The following PLCB2 variants were observed in gnomAD, a reference collection of about 807,000 sequenced individuals.
PLCB2 encodes the protein phospholipase C beta 2.
In PLCB2, 115 loss-of-function variants were observed where a neutral mutation model predicts 141.7. The observed-to-expected ratio is 0.81, with a 90% CI of 0.70 to 0.95. The LOEUF (loss-of-function observed/expected upper bound fraction) is 0.95. Ranked by LOEUF, PLCB2 falls within the 40% of genes least tolerant of loss-of-function variation. PLCB2 has a pLI of 0.00. For synonymous variants in PLCB2, 603 were observed against 595.6 expected, an observed-to-expected ratio of 1.01 and a Z score of -0.18; for missense variants, 1,403 against 1,541.1, an observed-to-expected ratio of 0.91 and a Z score of 1.50.
rs200898125 is a variant in PLCB2, at chr15:40,294,272, G to T, written c.2055C>A (p.Ser685=). ...RIDVVVATTL[S]ITVISGQFLS... ...GTGTGCCCCAGGGCCTTGCCGTAATGGAAAGGGTGGTGGCCACCACCACGT... is the reference window on the plus strand; with the variant it reads ...GTGTGCCCCAGGGCCTTGCCGTAATTGAAAGGGTGGTGGCCACCACCACGT... Residue 685 remains serine, a synonymous_variant, in exon 19 of 32, where the codon TCC becomes TCA. Transcript: ENST00000260402. The T allele has an allele frequency of 5.5e-5, 88 of 1,613,790 alleles. No homozygotes were observed. The East Asian group carries it at 1.8e-3, about 33-fold the overall frequency.
chr15:40,300,874 G>T (rs932128784), intron 7 of PLCB2: 1 of 152,280 alleles, frequency 6.6e-6, no homozygotes, highest in African/African-American at 2.4e-5. Context: ...AGTCTAACTG[G>T]ATCTCCCCAA....
chr15:40,290,864 G>A lies in PLCB2; in HGVS notation c.3037-27C>T, dbSNP rs767349942. 8 of 1,586,058 alleles carry A rather than the reference G, an allele frequency of 5.0e-6. No individual in the cohort carries two copies. In the Admixed American group the frequency reaches 8.5e-5, roughly 17 times the overall value. ...TGCAGGGAGAGGAAGTAAGCTTGGC[G>A]AGAAGCCCTTTGTTGTTCAGAGGGA... On this transcript the variant is annotated intron_variant, in intron 27 of 31. Coordinates refer to ENST00000260402, the MANE Select transcript of PLCB2 (RefSeq NM_004573.3).
In PLCB2 at chr15:40,298,260, G is replaced by T. The variant is rs1441422978; in HGVS notation, c.1118C>A (p.Thr373Asn). 1 of 1,588,886 alleles carries T rather than the reference G, an allele frequency of 6.3e-7. No individual in the cohort carries two copies. The highest frequency in any genetic ancestry group is 8.6e-7 in the Non-Finnish European group (1 of 1,166,234). The change falls in exon 11 of 32, where the codon ACC becomes AAC. Residue 373 changes from threonine (T) to asparagine (N), a missense_variant. By Grantham distance (65) the Thr-to-Asn change is moderately conservative (BLOSUM62 0). Transcript: ENST00000260402. Reference sequence around the variant, plus strand: ...GTCTGTGGTCATGGTGAAGCCATGGGTGATAATGGGCTCCTCGTCAGGGGG... The same window carrying T: ...GTCTGTGGTCATGGTGAAGCCATGGTTGATAATGGGCTCCTCGTCAGGGGG... ...GKPPDEEPIITHGFTMTTDIF... is the reference protein window; with the variant it reads ...GKPPDEEPIINHGFTMTTDIF...
chr15:40,297,599 G>C lies in PLCB2; in HGVS notation c.1245C>G (p.Arg415=), dbSNP rs1215753838. The change falls in exon 13 of 32, where the codon CGC becomes CGG. Residue 415 remains arginine (R), a synonymous_variant. Coordinates refer to ENST00000260402, the MANE Select transcript of PLCB2 (RefSeq NM_004573.3). The surrounding 1 kb of genome is among the most constrained non-coding windows in gnomAD (Gnocchi z 4.2). ...LSFENHVDSP[R]QQAKMAEYCR... is the part of the protein sequence containing the mutation. ...AATACTCAGCCATCTTAGCCTGCTG[G>C]CGGGGTCTGCGGGGAGCAAAAGCGG... is the stretch of plus-strand genomic sequence containing the variant. 1.2e-6 allele frequency: 2 copies of C among 1,613,436 alleles called. No homozygotes were observed. Among genetic ancestry groups the C allele is most frequent in the Non-Finnish European group, 1.7e-6 (2 of 1,179,582 alleles).
chr15:40,305,428 A>C (rs4924452), intron 1 of PLCB2, among the ~76,000 whole-genome samples: 1 of 152,088 alleles, frequency 6.6e-6, no homozygotes, highest in Admixed American at 6.6e-5. Context: ...CCAGGAGACC[A>C]AGTGGACTAC....
intron 29 of PLCB2, 29 bp from the exon 30 acceptor site, chr15:40,290,111 G>C (rs768915440): frequency 1.4e-6 from 2 of 1,421,188 alleles, no homozygotes; most frequent in South Asian, 2.3e-5. Context: ...TTTTAGAAAA[G>C]GGAGAAAACC....
chr15:40,290,128 G>T, intron 29 of PLCB2, 46 bp from the exon 30 acceptor site: 1 of 1,177,526 alleles, frequency 8.5e-7, no homozygotes, highest in African/African-American at 1.5e-5. Context: ...AACCCCTAGG[G>T]AGAGTAGGGT....
In PLCB2 at chr15:40,288,877, C is replaced by T. The variant is rs371732316; in HGVS notation, c.3396G>A (p.Lys1132=). The part of the protein sequence containing the change: ...EALAEYEARM[K]GLEAEVKESV... Reference sequence around the variant, plus strand: ...ACTCCTTCACCTCTGCCTCCAGACCCTTCATCCTGGCCTCGTACTCTGCCA... The same window carrying T: ...ACTCCTTCACCTCTGCCTCCAGACCTTTCATCCTGGCCTCGTACTCTGCCA... The change falls in exon 32 of 32, where the codon AAG becomes AAA. Residue 1132 remains lysine, a synonymous_variant. Coordinates refer to ENST00000260402, the MANE Select transcript of PLCB2 (RefSeq NM_004573.3). 1 of 1,613,860 alleles carries T rather than the reference C, an allele frequency of 6.2e-7. No individual in the cohort carries two copies. Among genetic ancestry groups the T allele is most frequent in the African/African-American group, 1.3e-5 (1 of 74,930 alleles).
chr15:40,292,566 C>T (rs1462489400), intron 21 of PLCB2, 123 bp from the exon 22 acceptor site: 7 of 614,786 alleles, frequency 1.1e-5, no homozygotes, highest in Non-Finnish European at 2.0e-5. Flanking sequence ...TGACTTCAGC[C>T]AGGTTACTTT....
At position 40,302,394 on chromosome 15, in the gene PLCB2, G is replaced by A. The variant is rs57253140; in HGVS notation, c.373-45C>T. The A allele has an allele frequency of 5.0e-3, 8,103 of 1,611,812 alleles. 133 individuals carry two copies. The East Asian group carries it at 0.066, about 13-fold the overall frequency. ...AGCGGTCAGGCTCCTGAGCACCCCCGCCCAGGCCTGTGTCTCTCAGGAAGT... is the reference window on the plus strand; with the variant it reads ...AGCGGTCAGGCTCCTGAGCACCCCCACCCAGGCCTGTGTCTCTCAGGAAGT... On this transcript the variant is annotated intron_variant, in intron 4 of 31. Coordinates refer to ENST00000260402, the MANE Select transcript of PLCB2 (RefSeq NM_004573.3).
Position 40,294,187 on chromosome 15 carries a change from G to T in PLCB2, c.2061+79C>A, listed in dbSNP as rs1595649939. Reference sequence around the variant, plus strand: ...AGGATATCAGGGGAGGGGGTTGCGAGTTGAGTGAGGGGTGGGCTCCTGTGC... The same window carrying T: ...AGGATATCAGGGGAGGGGGTTGCGATTTGAGTGAGGGGTGGGCTCCTGTGC... On this transcript the variant is annotated intron_variant, in intron 19 of 31. Transcript: ENST00000260402. The T allele has an allele frequency of 3.5e-6, 5 of 1,417,116 alleles. No homozygotes were observed. The East Asian group carries it at 1.1e-4, about 32-fold the overall frequency. The allele number at this position is 1,417,116 out of a possible 1,614,324, so 87.8% of individuals were successfully genotyped here. A position where few individuals can be genotyped will look rare whatever the true frequency, so the allele number is the denominator to read the frequency against.
At position 40,291,418 on chromosome 15, in the gene PLCB2, T is replaced by G; in HGVS notation, c.2717A>C (p.Glu906Ala). The G allele has an allele frequency of 6.5e-7, 1 of 1,538,382 alleles. No homozygotes were observed. The highest frequency in any genetic ancestry group is 1.2e-5 in the South Asian group (1 of 84,322). Residue 906 changes from glutamate to alanine, a missense_variant, in exon 26 of 32, where the codon GAG becomes GCG. Coordinates refer to ENST00000260402, the MANE Select transcript of PLCB2 (RefSeq NM_004573.3). ...KGVVKLQRRHEKELRELERRG... is the reference protein window; with the variant it reads ...KGVVKLQRRHAKELRELERRG... ...CCGCTCCAACTCTCGCAGCTCCTTC[T>G]CGTGCCGCCGCTGCAGCTTCACCAC...
intron 2 of PLCB2, 198 bp downstream of exon 2, chr15:40,303,803 G>A (rs1200381445): frequency 1.8e-6 from 1 of 555,268 alleles, no homozygotes; most frequent in Admixed American, 3.0e-5. Context: ...GGAACATTTG[G>A]GTAGCCACAG....
intron 1 of PLCB2, among the ~76,000 whole-genome samples, chr15:40,306,011 G>A (rs2040776382): frequency 6.6e-6 from 1 of 152,338 alleles, no homozygotes; most frequent in South Asian, 2.1e-4. Flanking sequence ...GTGATGAAAA[G>A]TGACCACTGG....
chr15:40,303,198 T>A, intron 3 of PLCB2, 90 bp downstream of exon 3: 1 of 949,508 alleles, frequency 1.1e-6, no homozygotes, highest in Non-Finnish European at 1.7e-6. Context: ...GCTTCAGAAG[T>A]CAGGCTTCCC....
chr15:40,298,457 T>C, intron 10 of PLCB2, 77 bp from the exon 11 acceptor site: 1 of 1,587,078 alleles, frequency 6.3e-7, no homozygotes, highest in East Asian at 2.2e-5. Context: ...CACTCCATCA[T>C]GGTCTGTGTT....
chr15:40,288,862 C>G lies in PLCB2; in HGVS notation c.3411G>C (p.Glu1137Asp), dbSNP rs746553284. ...GGCAGGCCCTCACCGACTCCTTCACCTCTGCCTCCAGACCCTTCATCCTGG... is the reference window on the plus strand; with the variant it reads ...GGCAGGCCCTCACCGACTCCTTCACGTCTGCCTCCAGACCCTTCATCCTGG... ...YEARMKGLEA[E>D]VKESVRACLR... Residue 1137 changes from glutamate (E) to aspartate (D), a missense_variant, in exon 32 of 32, where the codon GAG (glutamate) becomes GAC (aspartate). By Grantham distance (45) the Glu-to-Asp change is conservative (BLOSUM62 2). Around this residue, in one of 4 missense-constraint regions of PLCB2, gnomAD observed 132 missense variants for 132.4 expected, o/e 1.00. Transcript: ENST00000260402. 6.2e-7 allele frequency: 1 copy of G among 1,614,110 alleles called. No homozygotes were observed. Among genetic ancestry groups the G allele is most frequent in the Admixed American group, 1.7e-5 (1 of 60,030 alleles).
intron 17 of PLCB2, 41 bp downstream of exon 17, chr15:40,295,160 A>C: frequency 6.2e-7 from 1 of 1,609,298 alleles, no homozygotes; most frequent in Non-Finnish European, 8.5e-7. Flanking sequence ...CTGGCTCCCC[A>C]CCCAAGCCAA....
At chr15:40,291,706 T>C in intron 24 of PLCB2, 56 bp from the exon 25 acceptor site, 1 of 1,607,236 alleles carries the variant, frequency 6.2e-7, no homozygotes, top group Non-Finnish European at 8.5e-7. Flanking sequence ...TTGGCTCCGT[T>C]CGCCTCCTCC....
Sources: allele counts gnomAD v4.1 joint callset (sites outside exome capture counted in the v4.1 genomes callset), GRCh38; gene constraint gnomAD v4.1.1; regional missense constraint gnomAD v4.1.1; non-coding constraint Gnocchi (gnomAD v3.1); transcripts MANE v1.5; gene names NCBI Gene and HGNC (gene_info 2026-07-23, HGNC 2026-07-21).